Variants in IL1RAPL2 observed in about 807,000 individuals in gnomAD.
IL1RAPL2 encodes X-linked interleukin-1 receptor accessory protein-like 2.
In IL1RAPL2, 3 loss-of-function variants were observed where a neutral mutation model predicts 44.1. That is an observed-to-expected ratio of 0.07 (90% CI 0.03 to 0.18). The LOEUF (loss-of-function observed/expected upper bound fraction) is 0.18. IL1RAPL2 is among the 10% of genes least tolerant of loss of function. The probability of loss-of-function intolerance (pLI) is 1.00; values close to 1 mark genes in which losing one functional copy is unlikely to be tolerated. For synonymous variants in IL1RAPL2, 181 were observed against 178.8 expected, an observed-to-expected ratio of 1.01 and a Z score of -0.10; for missense variants, 391 against 496.4, an observed-to-expected ratio of 0.79 and a Z score of 2.02.
intron 2 of IL1RAPL2, among the ~76,000 whole-genome samples, chrX:104,821,986 T>C (rs1212936765): frequency 1.8e-5 from 2 of 112,611 alleles, no homozygotes; most frequent in African/African-American, 3.2e-5. Context: ...TGCATTTCTC[T>C]AATGACCAGT....
chrX:104,795,616 T>G (rs1317694711), intron 2 of IL1RAPL2, among the ~76,000 whole-genome samples: 6 of 111,457 alleles, frequency 5.4e-5, no homozygotes, highest in Non-Finnish European at 9.4e-5. Flanking sequence ...TTCTGTTATT[T>G]GAATCCCTCC....
chrX:105,763,209 T>C (rs1225393255), intron 10 of IL1RAPL2, among the ~76,000 whole-genome samples: 1 of 111,880 alleles, frequency 8.9e-6, no homozygotes, highest in African/African-American at 3.3e-5. Flanking sequence ...CTTATTCTTC[T>C]CTTTTACAAC....
intron 2 of IL1RAPL2, among the ~76,000 whole-genome samples, chrX:104,685,974 TAAAAA>T (rs892397406): frequency 2.8e-5 from 3 of 108,288 alleles, no homozygotes; most frequent in African/African-American, 6.7e-5. Context: ...AATAAAAACT[TAAAAA>T]AAAAGAACAT....
At chrX:105,290,241 A>G (rs1461625199) in intron 5 of IL1RAPL2, among the ~76,000 whole-genome samples, 1 of 111,709 alleles carries the variant, frequency 9.0e-6, no homozygotes, top group Non-Finnish European at 1.9e-5. Context: ...AAGATAAATA[A>G]GATATGGTCT....
At chrX:105,624,676 T>C (rs1343584372) in intron 6 of IL1RAPL2, among the ~76,000 whole-genome samples, 2 of 111,400 alleles carry the variant, frequency 1.8e-5, no homozygotes, top group Non-Finnish European at 3.8e-5. Context: ...TATAGCCACG[T>C]GCCGCCTTTT....
chrX:105,134,578 A>G (rs1046415583), intron 2 of IL1RAPL2, among the ~76,000 whole-genome samples: 4 of 111,575 alleles, frequency 3.6e-5, no homozygotes, highest in Non-Finnish European at 7.5e-5. Context: ...TAGTTCAGGT[A>G]CTTAATACTA....
chrX:104,915,642 C>A (rs775464622), intron 2 of IL1RAPL2, among the ~76,000 whole-genome samples: 102 of 110,749 alleles, frequency 9.2e-4, no homozygotes, highest in African/African-American at 3.2e-3. Context: ...AAGTCCTTGC[C>A]CATGCCTATG....
intron 2 of IL1RAPL2, among the ~76,000 whole-genome samples, chrX:104,708,507 A>G (rs1206049244): frequency 9.0e-6 from 1 of 111,352 alleles, no homozygotes; most frequent in Admixed American, 9.6e-5. Context: ...AGGGGAATAA[A>G]TGAATTGAAG....
chrX:105,218,697 C>T (rs192929175), intron 3 of IL1RAPL2, among the ~76,000 whole-genome samples: 181 of 109,470 alleles, frequency 1.7e-3, no homozygotes, highest in Non-Finnish European at 2.8e-3. Context: ...CTCCATGTGT[C>T]TCTCTCTCCC....
intron 5 of IL1RAPL2, among the ~76,000 whole-genome samples, chrX:105,281,328 C>T (rs950427381): frequency 3.6e-5 from 4 of 111,085 alleles, no homozygotes; most frequent in East Asian, 5.7e-4. Context: ...ATGTAGGTAA[C>T]GGGTTGATGG....
intron 5 of IL1RAPL2, among the ~76,000 whole-genome samples, chrX:105,343,066 T>A (rs188719074): frequency 9.0e-6 from 1 of 111,176 alleles, no homozygotes; most frequent in East Asian, 2.8e-4. Flanking sequence ...TGAGGAATCC[T>A]CGAACATAGA....
intron 2 of IL1RAPL2, among the ~76,000 whole-genome samples, chrX:105,043,253 A>T (rs2031783575): frequency 9.1e-6 from 1 of 110,331 alleles, no homozygotes; most frequent in African/African-American, 3.3e-5. Flanking sequence ...AGAAAAAGAG[A>T]GTATTTGTGT....
chrX:105,216,176 G>T (rs1780495481), intron 3 of IL1RAPL2, among the ~76,000 whole-genome samples: 1 of 111,301 alleles, frequency 9.0e-6, no homozygotes, highest in South Asian at 3.8e-4. Context: ...AATTGTCTCT[G>T]TTTGCAGACG....
intron 2 of IL1RAPL2, among the ~76,000 whole-genome samples, chrX:104,971,900 T>G (rs1006615128): frequency 7.2e-5 from 8 of 111,439 alleles, no homozygotes; most frequent in African/African-American, 2.3e-4. Flanking sequence ...AAATTTTTGA[T>G]GTACAAGAGA....
intron 5 of IL1RAPL2, among the ~76,000 whole-genome samples, chrX:105,444,099 T>C (rs970474169): frequency 8.9e-6 from 1 of 112,038 alleles, no homozygotes; most frequent in African/African-American, 3.2e-5. Flanking sequence ...ATCAGTGATA[T>C]TAAGCAACTT....
chrX:104,815,834 ATT>A (rs34144319), intron 2 of IL1RAPL2, among the ~76,000 whole-genome samples: 27,653 of 86,116 alleles, frequency 0.32, 3,267 homozygotes, highest in East Asian at 0.36. Context: ...CACCCCCCTC[ATT>A]TTTTTTTTTT....
chrX:105,015,661 C>T (rs1033919137), intron 2 of IL1RAPL2, among the ~76,000 whole-genome samples: 1 of 111,188 alleles, frequency 9.0e-6, no homozygotes, highest in African/African-American at 3.3e-5. Context: ...CTGTTCTGTT[C>T]CATTTGTCTG....
At chrX:105,696,362 G>A (rs967259986) in intron 6 of IL1RAPL2, among the ~76,000 whole-genome samples, 1 of 111,445 alleles carries the variant, frequency 9.0e-6, no homozygotes, top group Non-Finnish European at 1.9e-5. Flanking sequence ...GATGGTTAGC[G>A]ATCATTCCAG....
chrX:105,101,478 G>T (rs1230087157), intron 2 of IL1RAPL2, among the ~76,000 whole-genome samples: 1 of 111,617 alleles, frequency 9.0e-6, no homozygotes, highest in African/African-American at 3.3e-5. Context: ...AGATCCTTTG[G>T]AGATAACATT....
Sources: gnomAD v4.1 joint callset for allele counts (sites outside exome capture counted in the v4.1 genomes callset) on GRCh38, gnomAD v4.1.1 for gene constraint, MANE v1.5 for transcripts, NCBI Gene and HGNC (gene_info 2026-07-23, HGNC 2026-07-21) for gene names.